GRIK3: variants seen among roughly 807,000 people sequenced by gnomAD.
GRIK3 encodes glutamate receptor ionotropic, kainate 3.
Under a neutral mutation model 102.5 loss-of-function variants are expected in GRIK3, and 29 were observed. That is an observed-to-expected ratio of 0.28 (90% confidence interval 0.21 to 0.39). GRIK3 has a LOEUF of 0.39. GRIK3 is among the 10% of genes least tolerant of loss of function. GRIK3 has a pLI of 1.00. For missense variants in GRIK3, 908 were observed against 1,252.4 expected (o/e 0.73, Z 4.15); for synonymous variants, 511 against 504.9 (o/e 1.01, Z -0.16).
chr1:36,877,174 A>C (rs113114533), intron 3 of GRIK3, among the ~76,000 whole-genome samples: 1,547 of 152,270 alleles, frequency 0.01, 20 homozygotes, highest in African/African-American at 0.036. Flanking sequence ...CTAGCATGGT[A>C]TCCATCATCA....
chr1:37,005,097 G>A (rs2124041748), intron 1 of GRIK3, among the ~76,000 whole-genome samples: 1 of 152,288 alleles, frequency 6.6e-6, no homozygotes, highest in South Asian at 2.1e-4. Context: ...ATTTTCACCT[G>A]CTGAACTTAA....
chr1:36,804,747 G>C, intron 15 of GRIK3: 1 of 560,674 alleles, frequency 1.8e-6, no homozygotes, highest in Non-Finnish European at 3.1e-6. Context: ...CCAGTTTGAA[G>C]GCTGCGGCAT....
At chr1:36,971,664 A>C (rs1205286859) in intron 1 of GRIK3, among the ~76,000 whole-genome samples, 1 of 152,074 alleles carries the variant, frequency 6.6e-6, no homozygotes, top group Non-Finnish European at 1.5e-5. Flanking sequence ...AGCTCCTAGA[A>C]CCTTGCCCCA....
At chr1:36,961,751 C>T (rs1642012382) in intron 1 of GRIK3, among the ~76,000 whole-genome samples, 1 of 152,242 alleles carries the variant, frequency 6.6e-6, no homozygotes. Context: ...TGAAGGTTGT[C>T]CTGCTTTCAT....
chr1:37,025,817 T>C (rs1481143910), intron 1 of GRIK3, among the ~76,000 whole-genome samples: 2 of 152,220 alleles, frequency 1.3e-5, no homozygotes, highest in African/African-American at 4.8e-5. Flanking sequence ...GAATCTTAGT[T>C]CCTTCTTGCT....
At chr1:36,925,562 C>A (rs1641518442) in intron 1 of GRIK3, among the ~76,000 whole-genome samples, 1 of 152,252 alleles carries the variant, frequency 6.6e-6, no homozygotes, top group Admixed American at 6.5e-5. Context: ...ACAGACAAGC[C>A]TGCTGAAACC....
chr1:36,804,955 A>G, intron 15 of GRIK3, 32 bp downstream of exon 15: 2 of 1,611,224 alleles, frequency 1.2e-6, no homozygotes, highest in South Asian at 1.1e-5. Flanking sequence ...TCCATTTCCC[A>G]TCCTGTGCAG....
At chr1:37,021,129 A>T (rs1447867096) in intron 1 of GRIK3, among the ~76,000 whole-genome samples, 13 of 126,918 alleles carry the variant, frequency 1.0e-4, no homozygotes, top group East Asian at 2.1e-4. Context: ...TGTGTCTGTG[A>T]GAGAGAGAGA....
In GRIK3 at chr1:36,872,401, T is replaced by G. The variant is rs200931920; in HGVS notation, c.551-32A>C. 6.6e-7 allele frequency: 1 copy of G among 1,505,434 alleles called. No individual in the cohort carries two copies. The highest frequency in any genetic ancestry group is 1.4e-5 in the African/African-American group (1 of 72,108). 93.3% of individuals were successfully genotyped at this position (1,505,434 alleles called of 1,614,324 possible). ...GGCCATGGAGCACAAAAGACACACGTGTACCACATGTATCCACAGCTCCAG... is the reference window on the plus strand; with the variant it reads ...GGCCATGGAGCACAAAAGACACACGGGTACCACATGTATCCACAGCTCCAG... On this transcript the variant is annotated intron_variant, in intron 3 of 15. Transcript: ENST00000373091. The surrounding 1 kb of genome is among the most constrained non-coding windows in gnomAD (Gnocchi z 5.9).
Position 36,819,788 on chromosome 1 carries a change from G to A in GRIK3, c.1821C>T (p.Asn607=), listed in dbSNP as rs760362726. Residue 607 remains asparagine (N), a synonymous_variant, in exon 12 of 16, where the codon AAC becomes AAT. Coordinates refer to ENST00000373091, the MANE Select transcript of GRIK3 (RefSeq NM_000831.4). This position sits in a 1 kb window ranked among gnomAD's most constrained non-coding sequence, Gnocchi z 4.1. ...ACCAGAAGCTGTTAAGCAGAGTGAA[G>A]TTATTTTCCACCACCTCGGAGCCAG... ...CNPGSEVVEN[N]FTLLNSFWFG... 31 of 1,609,354 alleles carry A rather than the reference G, an allele frequency of 1.9e-5. No individual in the cohort carries two copies. Among genetic ancestry groups the A allele is most frequent in the South Asian group, 1.9e-4 (17 of 90,352 alleles).
chr1:36,805,964 AAAG>A (rs1017576785), intron 14 of GRIK3, 137 bp downstream of exon 14: 21 of 528,846 alleles, frequency 4.0e-5, no homozygotes, highest in Admixed American at 1.8e-4. Context: ...AAAAAAAAGA[AAAG>A]AACAGAAAAA....
intron 1 of GRIK3, among the ~76,000 whole-genome samples, chr1:37,001,086 T>C (rs1642471260): frequency 6.6e-6 from 1 of 152,230 alleles, no homozygotes; most frequent in Non-Finnish European, 1.5e-5. Context: ...TTCCTGGGAT[T>C]ATCAACCAGC....
At chr1:36,915,543 G>T (rs1641389937) in intron 1 of GRIK3, among the ~76,000 whole-genome samples, 1 of 152,184 alleles carries the variant, frequency 6.6e-6, no homozygotes, top group African/African-American at 2.4e-5. Context: ...ATATGGTTTG[G>T]ATGTGTCCCC....
rs1642364008 is a variant in GRIK3 at position 36,796,272 on chromosome 1, C to T, written c.*5579G>A. The T allele has an allele frequency of 6.6e-6, 1 of 152,446 alleles. No homozygotes were observed. Among genetic ancestry groups the T allele is most frequent in the Non-Finnish European group, 1.5e-5 (1 of 68,252 alleles). 9.4% of individuals were successfully genotyped at this position (152,446 alleles called of 1,614,324 possible). On this transcript the variant is annotated 3_prime_UTR_variant, in exon 16 of 16. Transcript: ENST00000373091. ...AGCCAGGGACAGAGATCTGCAGCCT[C>T]CTGGGGAGGGGGCACTCTGCCAACT...
intron 2 of GRIK3, among the ~76,000 whole-genome samples, chr1:36,888,654 C>A (rs1051306336): frequency 6.6e-6 from 1 of 152,160 alleles, no homozygotes; most frequent in African/African-American, 2.4e-5. Flanking sequence ...ATCCCCAGCA[C>A]CTGGCACACA....
chr1:36,882,155 C>T (rs982471868), intron 2 of GRIK3, among the ~76,000 whole-genome samples: 1 of 152,204 alleles, frequency 6.6e-6, no homozygotes, highest in East Asian at 1.9e-4. Flanking sequence ...TTTCTCCTCC[C>T]AGTAGAATGT....
At chr1:36,882,602 G>A (rs1640993949) in intron 2 of GRIK3, among the ~76,000 whole-genome samples, 1 of 152,140 alleles carries the variant, frequency 6.6e-6, no homozygotes, top group Non-Finnish European at 1.5e-5. Context: ...ACCACTCACT[G>A]ACCTTCCTAG....
intron 2 of GRIK3, among the ~76,000 whole-genome samples, chr1:36,890,277 A>G (rs1641099194): frequency 6.6e-6 from 1 of 152,142 alleles, no homozygotes; most frequent in Non-Finnish European, 1.5e-5. Context: ...AGCCTGGACA[A>G]CATGGTGAAA....
intron 7 of GRIK3, among the ~76,000 whole-genome samples, chr1:36,858,886 G>A (rs1368318392): frequency 6.6e-6 from 1 of 152,204 alleles, no homozygotes; most frequent in Non-Finnish European, 1.5e-5. Flanking sequence ...CAGCTGCTGA[G>A]CACTTACCAC....
Sources: gnomAD v4.1 joint callset for allele counts (sites outside exome capture counted in the v4.1 genomes callset) on GRCh38, gnomAD v4.1.1 for gene constraint, Gnocchi (gnomAD v3.1) non-coding constraint, MANE v1.5 for transcripts, NCBI Gene and HGNC (gene_info 2026-07-23, HGNC 2026-07-21) for gene names.